The following DMKN variants were observed in gnomAD, a reference collection of about 807,000 sequenced individuals.
The protein encoded by DMKN is epidermis-specific secreted protein SK30/SK89.
Under a neutral mutation model 67.6 loss-of-function variants are expected in DMKN, and 58 were observed. The ratio of observed to expected loss-of-function variants is 0.86; its 90% CI spans 0.69 to 1.07. DMKN has a LOEUF of 1.07. Among genes scored for constraint, DMKN ranks in the 50% least tolerant of loss-of-function variants. DMKN has a pLI of 0.00. For missense variants in DMKN, 596 were observed against 601.5 expected, an observed-to-expected ratio of 0.99 and a Z score of 0.10; for synonymous variants, 240 against 232.3, an observed-to-expected ratio of 1.03 and a Z score of -0.30.
In DMKN at chr19:35,511,492, G is replaced by GCCACTGCTGCTGCCACTGCTGCTGCCA. The variant is rs762952161; in HGVS notation, c.810_836dup (p.Ser274_Ser282dup). 7.5e-6 allele frequency: 8 copies of GCCACTGCTGCTGCCACTGCTGCTGCCA among 1,066,154 alleles called. No homozygotes were observed. Among genetic ancestry groups the GCCACTGCTGCTGCCACTGCTGCTGCCA allele is most frequent in the Middle Eastern group, 3.4e-4 (1 of 2,958 alleles). 66.0% of individuals were successfully genotyped at this position (1,066,154 alleles called of 1,614,324 possible). On this transcript the variant is annotated inframe_insertion, in exon 5 of 16. Coordinates refer to ENST00000339686, the MANE Select transcript of DMKN (RefSeq NM_033317.5). Reference sequence around the variant, plus strand: ...CACCACTGCTGCCGCCACTGCTGCCGCCACTGCTGCTGCCACTGCTGCTGC... The same window carrying GCCACTGCTGCTGCCACTGCTGCTGCCA: ...CACCACTGCTGCCGCCACTGCTGCCGCCACTGCTGCTGCCACTGCTGCTGCCACCACTGCTGCTGCCACTGCTGCTGC...
At position 35,513,050 on chromosome 19, in the gene DMKN, C is replaced by T. The variant is rs1437026816; in HGVS notation, c.426G>A (p.Trp142Ter). The change falls in exon 1 of 16, where the codon TGG becomes TGA. Residue 142 changes from tryptophan to a stop codon, truncating the protein, a stop_gained and splice_region_variant. Coordinates refer to ENST00000339686, the MANE Select transcript of DMKN (RefSeq NM_033317.5). LOFTEE classifies it high-confidence loss of function. The part of the protein sequence containing the change: ...WQGVPGHNGA[W>*]ETSGGHGIFG... ...CACATGCAGCCCCACAGCCACTCAC[C>T]CAAGCACCATTGTGGCCAGGCACCC... 2.5e-6 allele frequency: 4 copies of T among 1,613,264 alleles called. No individual in the cohort carries two copies. The highest frequency in any genetic ancestry group is 3.4e-6 in the Non-Finnish European group (4 of 1,179,978).
intron 9 of DMKN, chr19:35,503,267 A>G: frequency 6.8e-7 from 1 of 1,478,334 alleles, no homozygotes; most frequent in Non-Finnish European, 9.0e-7. Context: ...CACCCTGGAT[A>G]ACAGCGGAGA....
At position 35,511,822 on chromosome 19, in the gene DMKN, G is replaced by C. The variant is rs1249916503; in HGVS notation, c.685-9C>G. 3.7e-6 allele frequency: 6 copies of C among 1,611,480 alleles called. No homozygotes were observed. Among genetic ancestry groups the C allele is most frequent in the Non-Finnish European group, 5.1e-6 (6 of 1,178,620 alleles). ...GGTGGGGGATTCGTGCACTGTCGAG[G>C]GAAAGGGATGGTGAGTTTGGGGACG... is the stretch of plus-strand genomic sequence containing the variant. On this transcript the variant is annotated splice_polypyrimidine_tract_variant and intron_variant, in intron 3 of 15. Transcript: ENST00000339686.
intron 5 of DMKN, 103 bp from the exon 6 acceptor site, chr19:35,510,355 C>G: frequency 6.4e-7 from 1 of 1,552,534 alleles, no homozygotes; most frequent in Non-Finnish European, 8.7e-7. Context: ...AATCAGATTC[C>G]AGTCCTCTTT....
intron 9 of DMKN, among the ~76,000 whole-genome samples, chr19:35,503,873 G>A (rs1373322064): frequency 1.4e-5 from 2 of 147,474 alleles, no homozygotes; most frequent in African/African-American, 2.5e-5. Flanking sequence ...AAACCTACAG[G>A]GACCTTTTTG....
intron 7 of DMKN, chr19:35,506,303 C>G (rs2146054473): frequency 2.0e-6 from 2 of 1,006,146 alleles, no homozygotes; most frequent in Non-Finnish European, 2.8e-6. Context: ...CTGTCCTCCT[C>G]TCTATAAAGC....
intron 10 of DMKN, among the ~76,000 whole-genome samples, chr19:35,502,475 G>A (rs1022161144): frequency 7.9e-5 from 12 of 152,108 alleles, no homozygotes; most frequent in Non-Finnish European, 1.0e-4. Flanking sequence ...CGAGGCAGGT[G>A]GATCACGAGG....
At chr19:35,508,073 G>T in intron 7 of DMKN, 1 of 1,217,656 alleles carries the variant, frequency 8.2e-7, no homozygotes. Flanking sequence ...GTACTTCCTC[G>T]TTCCCAGAGC....
intron 11 of DMKN, among the ~76,000 whole-genome samples, chr19:35,501,000 G>C (rs1224175127): frequency 6.6e-6 from 1 of 152,210 alleles, no homozygotes; most frequent in Non-Finnish European, 1.5e-5. Flanking sequence ...CTTGAAGGAG[G>C]GGTTGTTATC....
chr19:35,504,841 A>AC (rs553887390), intron 9 of DMKN, among the ~76,000 whole-genome samples: 22 of 147,856 alleles, frequency 1.5e-4, no homozygotes, highest in Admixed American at 4.7e-4. Context: ...CTAGGGAGTG[A>AC]CCCCCCCACC....
At position 35,513,254 on chromosome 19, in the gene DMKN, C is replaced by G; in HGVS notation, c.222G>C (p.Gly74=). Residue 74 remains glycine (G), a synonymous_variant, in exon 1 of 16, where the codon GGG becomes GGC. Coordinates refer to ENST00000339686, the MANE Select transcript of DMKN (RefSeq NM_033317.5). ...GSKVSEALGQ[G]TREAVGTGVR... ...CTCCAGTGCCAACTGCTTCTCTGGT[C>G]CCTTGGCCAAGGGCCTCACTGACTT... is the stretch of plus-strand genomic sequence containing the variant. The G allele has an allele frequency of 6.2e-7, 1 of 1,614,258 alleles. No individual in the cohort carries two copies. The highest frequency in any genetic ancestry group is 8.5e-7 in the Non-Finnish European group (1 of 1,180,054).
At chr19:35,503,480 T>C (rs3829679) in intron 9 of DMKN, 1 of 1,458,860 alleles carries the variant, frequency 6.9e-7, no homozygotes, top group Non-Finnish European at 9.0e-7. Flanking sequence ...TTTTGTTTTT[T>C]TTTTTTTTTT....
rs770680745 is a variant in DMKN, at chr19:35,511,510, GCTGCTGCCACCA to G, written c.807_818del (p.Gly270_Ser273del). 3.6e-6 allele frequency: 4 copies of G among 1,098,052 alleles called. No homozygotes were observed. In the Admixed American group the frequency reaches 1.2e-4, roughly 33 times the overall value. The allele number at this position is 1,098,052 out of a possible 1,614,324, so 68.0% of individuals were successfully genotyped here. A position where few individuals can be genotyped will look rare whatever the true frequency, so the allele number is the denominator to read the frequency against. ...TGCTGCCGCCACTGCTGCTGCCACT[GCTGCTGCCACCA>G]CTGCTGCTGCCATTGTTGTTGTCAC... On this transcript the variant is annotated inframe_deletion, in exon 5 of 16. Transcript: ENST00000339686.
In DMKN at chr19:35,498,740, C is replaced by T; in HGVS notation, c.1407G>A (p.Leu469=). The T allele has an allele frequency of 6.2e-7, 1 of 1,614,162 alleles. No homozygotes were observed. The highest frequency in any genetic ancestry group is 2.2e-5 in the East Asian group (1 of 44,884). Residue 469 remains leucine (L), a synonymous_variant, in exon 15 of 16, where the codon CTG becomes CTA. Coordinates refer to ENST00000339686, the MANE Select transcript of DMKN (RefSeq NM_033317.5). ...CCTACCAAAACTTCACCCACTGCAG[C>T]AGGCCAGGTTGCACCCGGGAAGCCT... is the stretch of plus-strand genomic sequence containing the variant. ...SSSASRVQPG[L]LQWVKFW
rs780326086 is a variant in DMKN, at chr19:35,512,685, C to T, written c.532G>A (p.Gly178Arg). The T allele has an allele frequency of 2.4e-5, 38 of 1,614,052 alleles. No individual in the cohort carries two copies. The highest frequency in any genetic ancestry group is 2.1e-4 in the South Asian group (19 of 91,088). Residue 178 changes from glycine (G) to arginine (R), a missense_variant, in exon 2 of 16, where the codon GGA (glycine) becomes AGA (arginine). By Grantham distance (125) the Gly-to-Arg change is moderately radical. Coordinates refer to ENST00000339686, the MANE Select transcript of DMKN (RefSeq NM_033317.5). ...LGTPWVHGYP[G>R]NSAGSFGMNP... ...ATTCCAAAGCTGCCTGCTGAGTTTC[C>T]GGGGTATCCGTGGACCCACGGAGTC...
chr19:35,499,874 G>T, intron 13 of DMKN, 84 bp downstream of exon 13: 1 of 1,496,498 alleles, frequency 6.7e-7, no homozygotes. Context: ...GCAACCAACC[G>T]AGAGGACCCC....
At position 35,512,480 on chromosome 19, in the gene DMKN, G is replaced by A. The variant is rs182161695; in HGVS notation, c.628-3C>T. On this transcript the variant is annotated splice_polypyrimidine_tract_variant and splice_region_variant and intron_variant, in intron 2 of 15. Transcript: ENST00000339686. Reference sequence around the variant, plus strand: ...TAGCCAGGCTGGGCCACAGCTCCCTGCAGAGAGGGTGAGACTGAGAGTAGG... The same window carrying A: ...TAGCCAGGCTGGGCCACAGCTCCCTACAGAGAGGGTGAGACTGAGAGTAGG... The A allele has an allele frequency of 1.7e-5, 27 of 1,614,206 alleles. No homozygotes were observed. The highest frequency in any genetic ancestry group is 2.0e-5 in the Non-Finnish European group (24 of 1,180,040).
chr19:35,503,455 A>G lies in DMKN; in HGVS notation c.1135-569T>C. The stretch of plus-strand genomic sequence containing the variant: ...GCGAGAGCTTCTCTGGTCCTGGGCA[A>G]AGAAACAGGTTTTTTTTTGTTTTTT... On this transcript the variant is annotated intron_variant, in intron 9 of 15. Transcript: ENST00000339686. 4 of 1,544,502 alleles carry G rather than the reference A, an allele frequency of 2.6e-6. No homozygotes were observed. The South Asian group carries it at 3.6e-5, about 14-fold the overall frequency.
Position 35,502,844 on chromosome 19 carries a change from T to C in DMKN, c.1177A>G (p.Ser393Gly). ...PPSTRALLYF[S>G]RLWEDFKQNT... ...AATTCTCCTACCTCCCAGAGTCGGC[T>C]GAAGTAGAGGAGGGCTCGGGTGCTG... The change falls in exon 10 of 16, where the codon AGC becomes GGC. Residue 393 changes from serine (S) to glycine (G), a missense_variant. Transcript: ENST00000339686. 1.2e-6 allele frequency: 2 copies of C among 1,614,036 alleles called. No individual in the cohort carries two copies. The highest frequency in any genetic ancestry group is 1.7e-6 in the Non-Finnish European group (2 of 1,179,968).
Sources: allele counts gnomAD v4.1 joint callset (sites outside exome capture counted in the v4.1 genomes callset), GRCh38; gene constraint gnomAD v4.1.1; transcripts MANE v1.5; gene names NCBI Gene and HGNC (gene_info 2026-07-23, HGNC 2026-07-21).